The following ACP2 variants were observed in gnomAD, a reference collection of about 807,000 sequenced individuals.
The protein encoded by ACP2 is lysosomal acid phosphatase.
In ACP2, 35 loss-of-function variants were observed where a neutral mutation model predicts 54.7. The observed-to-expected ratio is 0.64, with a 90% CI of 0.49 to 0.85. The LOEUF (loss-of-function observed/expected upper bound fraction) is 0.85. Among genes scored for constraint, ACP2 ranks in the 40% least tolerant of loss-of-function variants. The probability of loss-of-function intolerance (pLI) is 0.00; values close to 1 mark genes in which losing one functional copy is unlikely to be tolerated. For missense variants in ACP2, 492 were observed against 565.0 expected, an observed-to-expected ratio of 0.87 and a Z score of 1.31; for synonymous variants, 210 against 224.4, an observed-to-expected ratio of 0.94 and a Z score of 0.57.
At chr11:47,246,455 A>G (rs1380538092) in intron 3 of ACP2, among the ~76,000 whole-genome samples, 1 of 152,128 alleles carries the variant, frequency 6.6e-6, no homozygotes, top group Non-Finnish European at 1.5e-5. Context: ...GGGCACTTGT[A>G]GTCCCAGCTA....
rs759343949 is a variant in ACP2, at chr11:47,244,866, T to TGCTGTGTA, written c.640-7_640dup (p.Gln214LeufsTer25). The TGCTGTGTA allele has an allele frequency of 6.2e-7, 1 of 1,603,628 alleles. No homozygotes were observed. Among genetic ancestry groups the TGCTGTGTA allele is most frequent in the Admixed American group, 1.7e-5 (1 of 59,150 alleles). On this transcript the variant is annotated frameshift_variant and splice_region_variant, in exon 7 of 11. Transcript: ENST00000672073. LOFTEE classifies it high-confidence loss of function. ...GGGCGGCAGGCGCAGCCCGTGCGTT[T>TGCTGTGTA]GCTGTGTATCGCAGCAGGCAGGTTA... is the stretch of plus-strand genomic sequence containing the variant.
chr11:47,247,634 A>T lies in ACP2; in HGVS notation c.297+7T>A. 6.2e-7 allele frequency: 1 copy of T among 1,614,108 alleles called. No individual in the cohort carries two copies. Among genetic ancestry groups the T allele is most frequent in the Non-Finnish European group, 8.5e-7 (1 of 1,180,010 alleles). ...GTTCCCCTTGCCTCTGGAGCTCCCA[A>T]CCTTACCTCTTGCCGGTGATAAGAG... On this transcript the variant is annotated splice_region_variant and intron_variant, in intron 3 of 10. Transcript: ENST00000672073.
intron 3 of ACP2, among the ~76,000 whole-genome samples, chr11:47,247,028 T>C (rs1181895072): frequency 1.3e-5 from 2 of 152,000 alleles, no homozygotes; most frequent in East Asian, 3.9e-4. Flanking sequence ...AGGCTGACAG[T>C]GGTAATCAGA....
rs1317890053 is a variant in ACP2 at position 47,239,327 on chromosome 11, A to G, written c.*789T>C. ...TATCAGTCCAATAGGAAACAGCACT[A>G]TTCATTCTCTGGGAGCTGCCCCAGC... On this transcript the variant is annotated 3_prime_UTR_variant, in exon 11 of 11. Transcript: ENST00000672073. The G allele has an allele frequency of 4.7e-6, 1 of 213,912 alleles. No homozygotes were observed. The highest frequency in any genetic ancestry group is 7.6e-5 in the East Asian group (1 of 13,136). The allele number at this position is 213,912 out of a possible 1,614,324, so 13.3% of individuals were successfully genotyped here.
chr11:47,245,917 C>T, intron 3 of ACP2, 83 bp from the exon 4 acceptor site: 1 of 1,452,742 alleles, frequency 6.9e-7, no homozygotes, highest in Non-Finnish European at 9.1e-7. Context: ...GAAGTGGAGC[C>T]TTGTATGTAT....
chr11:47,245,861 T>C (rs748356969), intron 3 of ACP2, 27 bp from the exon 4 acceptor site: 2 of 1,031,704 alleles, frequency 1.9e-6, no homozygotes, highest in Admixed American at 2.6e-5. Context: ...ACAAGTCGTG[T>C]GTGTGTGTGT....
rs745923058 is a variant in ACP2 at position 47,240,008 on chromosome 11, AG to A, written c.*107del. The A allele has an allele frequency of 3.5e-4, 443 of 1,275,864 alleles. No homozygotes were observed. Among genetic ancestry groups the A allele is most frequent in the Middle Eastern group, 1.1e-3 (4 of 3,540 alleles). The allele number at this position is 1,275,864 out of a possible 1,614,324, so 79.0% of individuals were successfully genotyped here. ...TCATCTGGCTGGGGTCATCAGAGGG[AG>A]GCCCAACCCAGGATCTCCTGTCCAT... is the stretch of plus-strand genomic sequence containing the variant. On this transcript the variant is annotated 3_prime_UTR_variant, in exon 11 of 11. Transcript: ENST00000672073.
intron 7 of ACP2, 54 bp from the exon 8 acceptor site, chr11:47,243,375 T>C (rs867791378): frequency 6.7e-7 from 1 of 1,495,222 alleles, no homozygotes; most frequent in Middle Eastern, 1.7e-4. Context: ...TGCCTTCTAA[T>C]TAGACCTATC....
chr11:47,243,963 C>A (rs1333260839), intron 7 of ACP2, among the ~76,000 whole-genome samples: 1 of 151,948 alleles, frequency 6.6e-6, no homozygotes, highest in Admixed American at 6.6e-5. Context: ...ATAGTGAAAC[C>A]CCATCTCTAC....
Position 47,248,103 on chromosome 11 carries a change from T to C in ACP2, c.145A>G (p.Lys49Glu), listed in dbSNP as rs376035398. The C allele has an allele frequency of 1.2e-6, 2 of 1,611,496 alleles. No individual in the cohort carries two copies. Among genetic ancestry groups the C allele is most frequent in the African/African-American group, 2.7e-5 (2 of 74,840 alleles). ...LYRHGDRSPV[K>E]TYPKDPYQEE... Reference sequence around the variant, plus strand: ...TGATAGGGGTCCTTGGGATATGTCTTCACTGGTGAACGGTCTCCATGGCGG... The same window carrying C: ...TGATAGGGGTCCTTGGGATATGTCTCCACTGGTGAACGGTCTCCATGGCGG... Residue 49 changes from lysine (K) to glutamate (E), a missense_variant, in exon 2 of 11, where the codon AAG becomes GAG. Coordinates refer to ENST00000672073, the MANE Select transcript of ACP2 (RefSeq NM_001610.4).
rs577134798 is a variant in ACP2 at position 47,245,375 on chromosome 11, G to C, written c.569C>G (p.Ala190Gly). ...CAGGTCTGTAAGCCCTGTCTCGTTG[G>C]CCACCATGTCCAGAAATTGCTATGA... ...SRNAQFLDMV[A>G]NETGLTDLTL... The change falls in exon 6 of 11, where the codon GCC (alanine) becomes GGC (glycine). Residue 190 changes from alanine (A) to glycine (G), a missense_variant. Ala to Gly is a moderately conservative substitution (Grantham distance 60). Coordinates refer to ENST00000672073, the MANE Select transcript of ACP2 (RefSeq NM_001610.4). 1 of 1,614,140 alleles carries C rather than the reference G, an allele frequency of 6.2e-7. No individual in the cohort carries two copies. Among genetic ancestry groups the C allele is most frequent in the African/African-American group, 1.3e-5 (1 of 75,032 alleles).
At position 47,242,853 on chromosome 11, in the gene ACP2, G is replaced by A; in HGVS notation, c.1008C>T (p.Ala336=). 4 of 1,613,980 alleles carry A rather than the reference G, an allele frequency of 2.5e-6. No individual in the cohort carries two copies. The highest frequency in any genetic ancestry group is 3.4e-6 in the Non-Finnish European group (4 of 1,179,836). ...EMYFRNESDK[A]PWPLSLPGCP... is the part of the protein sequence containing the mutation. The stretch of plus-strand genomic sequence containing the variant: ...AGCCAGGCAGGCTGAGCGGCCAGGG[G>A]GCCTTGTCACTCTCGTTCCGAAAGT... The change falls in exon 10 of 11, where the codon GCC becomes GCT. Residue 336 remains alanine (A), a synonymous_variant. Transcript: ENST00000672073.
At chr11:47,247,519 T>C in intron 3 of ACP2, 122 bp downstream of exon 3, 1 of 1,120,718 alleles carries the variant, frequency 8.9e-7, no homozygotes, top group Non-Finnish European at 1.3e-6. Context: ...TCTTTTCCTG[T>C]AGTTGTGACC....
At chr11:47,248,584 C>CAGCT in intron 1 of ACP2, 92 bp downstream of exon 1, 2 of 1,552,128 alleles carry the variant, frequency 1.3e-6, no homozygotes, top group East Asian at 4.9e-5. Flanking sequence ...CCTCCTAAAC[C>CAGCT]AGCTGTTCCT....
At chr11:47,244,897 C>A in intron 6 of ACP2, 30 bp from the exon 7 acceptor site, 1 of 1,573,622 alleles carries the variant, frequency 6.4e-7, no homozygotes, top group Middle Eastern at 1.7e-4. Flanking sequence ...GGTTAGCGCC[C>A]CAGGCCTAGG....
At chr11:47,246,940 A>G (rs778405593) in intron 3 of ACP2, among the ~76,000 whole-genome samples, 2 of 152,156 alleles carry the variant, frequency 1.3e-5, no homozygotes, top group Non-Finnish European at 2.9e-5. Context: ...GGAGGAGGAA[A>G]CTGGGGAAGG....
rs935079380 is a variant in ACP2, at chr11:47,242,572, G to T, written c.1138+151C>A. 27 of 818,188 alleles carry T rather than the reference G, an allele frequency of 3.3e-5. No homozygotes were observed. The African/African-American group carries it at 3.9e-4, about 12-fold the overall frequency. The allele number at this position is 818,188 out of a possible 1,614,324, so 50.7% of individuals were successfully genotyped here. ...GAGACATCACCCGAGGGTGAGAAGT[G>T]GGGAGAAGGTATAAAGCAGTCTGGG... On this transcript the variant is annotated intron_variant, in intron 10 of 10. Coordinates refer to ENST00000672073, the MANE Select transcript of ACP2 (RefSeq NM_001610.4).
At chr11:47,247,805 C>T (rs1954244626) in intron 2 of ACP2, 78 bp from the exon 3 acceptor site, 2 of 1,421,682 alleles carry the variant, frequency 1.4e-6, no homozygotes, top group South Asian at 1.3e-5. Flanking sequence ...GGCCCTGTTG[C>T]TTTCCAGGTT....
chr11:47,244,086 G>T (rs975144594), intron 7 of ACP2, among the ~76,000 whole-genome samples: 1 of 152,044 alleles, frequency 6.6e-6, no homozygotes, highest in Non-Finnish European at 1.5e-5. Context: ...GCAATGAGCC[G>T]AGATCGTGCC....
Sources: gnomAD v4.1 joint callset for allele counts (sites outside exome capture counted in the v4.1 genomes callset) on GRCh38, gnomAD v4.1.1 for gene constraint, MANE v1.5 for transcripts, NCBI Gene and HGNC (gene_info 2026-07-23, HGNC 2026-07-21) for gene names.